The following EML5 variants were observed in gnomAD, a reference collection of about 807,000 sequenced individuals.
EML5 encodes the protein EMAP like 5.
Under a neutral mutation model 250.0 loss-of-function variants are expected in EML5, and 120 were observed. That is an observed-to-expected ratio of 0.48 (90% CI 0.41 to 0.56). The LOEUF is 0.56. Ranked by LOEUF, EML5 falls within the 20% of genes least tolerant of loss-of-function variation. The pLI, the probability that EML5 is intolerant of heterozygous loss-of-function variation, is 0.00. For synonymous variants in EML5, 771 were observed against 806.5 expected (o/e 0.96, Z 0.75); for missense variants, 2,006 against 2,437.6 (o/e 0.82, Z 3.73).
chr14:88,706,512 T>A, intron 10 of EML5, 86 bp from the exon 11 acceptor site: 1 of 991,036 alleles, frequency 1.0e-6, no homozygotes, highest in Non-Finnish European at 1.4e-6. Context: ...AACCACTGTA[T>A]CATCCTTCTA....
At chr14:88,683,227 G>T (rs759203985) in intron 20 of EML5, among the ~76,000 whole-genome samples, 1 of 152,092 alleles carries the variant, frequency 6.6e-6, no homozygotes, top group Non-Finnish European at 1.5e-5. Flanking sequence ...AGGCCAGCTA[G>T]TTTGTCCAAG....
chr14:88,734,066 C>A (rs1943493605), intron 7 of EML5, among the ~76,000 whole-genome samples: 1 of 150,872 alleles, frequency 6.6e-6, no homozygotes. Flanking sequence ...ACATTATAGG[C>A]AAAGAGTTAA....
intron 2 of EML5, 113 bp from the exon 3 acceptor site, chr14:88,746,396 A>T (rs1036353179): frequency 1.3e-6 from 1 of 773,222 alleles, no homozygotes; most frequent in African/African-American, 1.8e-5. Flanking sequence ...AACATAAAAC[A>T]TATATGCCTA....
chr14:88,643,549 C>A (rs1185707470), intron 30 of EML5, among the ~76,000 whole-genome samples: 6 of 152,116 alleles, frequency 3.9e-5, no homozygotes, highest in Admixed American at 3.9e-4. Flanking sequence ...GGCACTTGAG[C>A]ACCTGTGGAT....
In EML5 at chr14:88,745,530, A is replaced by T. The variant is rs148787125; in HGVS notation, c.456+655T>A. On this transcript the variant is annotated intron_variant, in intron 3 of 43. Coordinates refer to ENST00000554922, the MANE Select transcript of EML5 (RefSeq NM_183387.3). ...GTTAAAAATGTTAGGTCTCTAAAAA[A>T]TGTAATAGTAATACGTAATTTTAAA... Among the ~76,000 whole-genome samples the T allele has an allele frequency of 6.0e-4, 91 of 152,302 alleles. 1 individual carries two copies. In the East Asian group the frequency reaches 0.015, roughly 26 times the overall value.
intron 33 of EML5, among the ~76,000 whole-genome samples, chr14:88,631,326 A>T (rs1686604635): frequency 6.6e-6 from 1 of 152,092 alleles, no homozygotes; most frequent in South Asian, 2.1e-4. Context: ...TAATCTACCT[A>T]CCTCAACCTT....
chr14:88,746,536 A>C (rs1327117088), intron 2 of EML5, among the ~76,000 whole-genome samples: 1 of 152,178 alleles, frequency 6.6e-6, no homozygotes, highest in East Asian at 1.9e-4. Context: ...AAATATCCTA[A>C]ATATACCTCC....
intron 8 of EML5, among the ~76,000 whole-genome samples, chr14:88,720,786 C>A (rs1263714546): frequency 1.3e-5 from 2 of 152,008 alleles, no homozygotes; most frequent in Non-Finnish European, 2.9e-5. Context: ...GGAAATGAGA[C>A]AAGAAAAAGA....
chr14:88,627,182 A>C (rs1259272800), intron 34 of EML5, 136 bp from the exon 35 acceptor site: 1 of 742,770 alleles, frequency 1.3e-6, no homozygotes, highest in African/African-American at 1.8e-5. Flanking sequence ...TCTACTACCT[A>C]GCAATACATG....
chr14:88,754,743 T>A (rs982745722), intron 1 of EML5, 72 bp from the exon 2 acceptor site: 1 of 1,274,864 alleles, frequency 7.8e-7, no homozygotes. Context: ...ATTTGGTAGA[T>A]GTAAAACACA....
At chr14:88,660,768 A>AG (rs56938632) in intron 25 of EML5, among the ~76,000 whole-genome samples, 14 of 150,024 alleles carry the variant, frequency 9.3e-5, no homozygotes, top group African/African-American at 3.5e-4. Flanking sequence ...AAAAGAAAAA[A>AG]AAAACTTAAT....
chr14:88,751,772 A>T (rs1482521069), intron 2 of EML5, among the ~76,000 whole-genome samples: 2 of 152,192 alleles, frequency 1.3e-5, no homozygotes, highest in Non-Finnish European at 2.9e-5. Context: ...TCCTTTAAAG[A>T]TAAAAATAAT....
At chr14:88,625,378 C>A in intron 35 of EML5, 1 of 414,184 alleles carries the variant, frequency 2.4e-6, no homozygotes, top group South Asian at 3.8e-5. Context: ...CCTTCCAATT[C>A]TAACATACTA....
At chr14:88,743,002 T>C (rs1280203951) in intron 4 of EML5, among the ~76,000 whole-genome samples, 1 of 152,094 alleles carries the variant, frequency 6.6e-6, no homozygotes, top group Non-Finnish European at 1.5e-5. Context: ...GTTCCAATGA[T>C]TTAAAAGTAA....
At chr14:88,762,440 G>A (rs1161963860) in intron 1 of EML5, among the ~76,000 whole-genome samples, 1 of 151,996 alleles carries the variant, frequency 6.6e-6, no homozygotes, top group Non-Finnish European at 1.5e-5. Flanking sequence ...AACCCGGGAG[G>A]CAGAGGTTGC....
chr14:88,690,546 A>T (rs539331200), intron 17 of EML5, among the ~76,000 whole-genome samples: 1 of 152,342 alleles, frequency 6.6e-6, no homozygotes, highest in Admixed American at 6.5e-5. Flanking sequence ...AGGTGAAAAA[A>T]ACTAGATTAG....
At chr14:88,766,287 G>A (rs928813113) in intron 1 of EML5, among the ~76,000 whole-genome samples, 28 of 152,282 alleles carry the variant, frequency 1.8e-4, no homozygotes, top group Middle Eastern at 6.8e-3. Context: ...AGAGCTGGGC[G>A]GAACAGAGCC....
At chr14:88,636,117 C>T (rs2090711245) in intron 32 of EML5, among the ~76,000 whole-genome samples, 1 of 152,198 alleles carries the variant, frequency 6.6e-6, no homozygotes, top group Non-Finnish European at 1.5e-5. Flanking sequence ...ACACAAAGAA[C>T]AGCTTGGCCA....
intron 1 of EML5, among the ~76,000 whole-genome samples, chr14:88,767,564 C>A (rs748232839): frequency 6.6e-6 from 1 of 152,160 alleles, no homozygotes; most frequent in Non-Finnish European, 1.5e-5. Flanking sequence ...TATTGTTACA[C>A]TGTAAGAGTT....
Sources: gnomAD v4.1 joint callset for allele counts (sites outside exome capture counted in the v4.1 genomes callset) on GRCh38, gnomAD v4.1.1 for gene constraint, MANE v1.5 for transcripts, NCBI Gene and HGNC (gene_info 2026-07-23, HGNC 2026-07-21) for gene names.